Variants in GSE1 observed in about 807,000 individuals in gnomAD.
GSE1 encodes Gse1 coiled-coil protein.
In GSE1, 32 loss-of-function variants were observed where a neutral mutation model predicts 112.6. That is an observed-to-expected ratio of 0.28 (90% CI 0.21 to 0.38). GSE1 has a LOEUF of 0.38. GSE1 is among the 10% of genes least tolerant of loss of function. The pLI, the probability that GSE1 is intolerant of heterozygous loss-of-function variation, is 1.00. For synonymous variants in GSE1, 1,115 were observed against 735.6 expected, an observed-to-expected ratio of 1.52 and a Z score of -8.35; for missense variants, 2,348 against 1,699.2, an observed-to-expected ratio of 1.38 and a Z score of -6.71.
In GSE1 at chr16:85,296,913, T is replaced by A. The variant is rs557794886; in HGVS notation, c.2284-60550T>A. Among the ~76,000 whole-genome samples, 360 of 152,190 alleles carry A rather than the reference T, an allele frequency of 2.4e-3. 1 individual carries two copies. Among genetic ancestry groups the A allele is most frequent in the African/African-American group, 8.4e-3 (349 of 41,534 alleles). On this transcript the variant is annotated intron_variant, in intron 1 of 2. Transcript: ENST00000637419. ...GGGGGTGGGGTCTGAACCCAGGGGGTCTGTCGGCACGCCCAGGCTGCTCCC... is the reference window on the plus strand; with the variant it reads ...GGGGGTGGGGTCTGAACCCAGGGGGACTGTCGGCACGCCCAGGCTGCTCCC...
At chr16:85,569,367 G>C (rs2045888832) in intron 1 of GSE1, among the ~76,000 whole-genome samples, 1 of 152,226 alleles carries the variant, frequency 6.6e-6, no homozygotes, top group Admixed American at 6.5e-5. Flanking sequence ...CTGGGCCTGG[G>C]GGCCAAGTGG....
chr16:85,582,080 C>T (rs2046470554), intron 1 of GSE1: 2 of 152,262 alleles, frequency 1.3e-5, no homozygotes, highest in South Asian at 4.2e-4. Context: ...TCCCTGGGCT[C>T]CTGGGGCGGA....
chr16:85,251,179 C>G (rs1244306955), intron 1 of GSE1, among the ~76,000 whole-genome samples: 1 of 152,204 alleles, frequency 6.6e-6, no homozygotes, highest in Non-Finnish European at 1.5e-5. Context: ...GGGGTTATGG[C>G]TCTTGGGCAC....
intron 2 of GSE1, among the ~76,000 whole-genome samples, chr16:85,464,069 A>C (rs1333761476): frequency 6.6e-6 from 1 of 152,096 alleles, no homozygotes; most frequent in East Asian, 1.9e-4. Flanking sequence ...CCAGGCCAGC[A>C]GCGGGGGGAC....
chr16:85,635,717 C>T (rs1447921610), intron 2 of GSE1, among the ~76,000 whole-genome samples: 1 of 152,222 alleles, frequency 6.6e-6, no homozygotes. Context: ...CGGCACGTGA[C>T]TGGCGCTGGT....
intron 2 of GSE1, among the ~76,000 whole-genome samples, chr16:85,508,379 C>T (rs551663464): frequency 5.1e-4 from 77 of 152,312 alleles, no homozygotes; most frequent in African/African-American, 1.8e-3. Flanking sequence ...GAGTGACATA[C>T]GCAGGTAGCT....
chr16:85,215,856 C>T (rs555032018), intron 1 of GSE1, among the ~76,000 whole-genome samples: 10 of 152,292 alleles, frequency 6.6e-5, no homozygotes, highest in Admixed American at 2.6e-4. Context: ...GTAACCCCAC[C>T]GGTTGCTGCT....
intron 12 of GSE1, 29 bp downstream of exon 12, chr16:85,665,157 C>A: frequency 7.5e-7 from 1 of 1,338,188 alleles, no homozygotes. Flanking sequence ...CACCTGCCAC[C>A]ACCCAGGACC....
chr16:85,290,877 G>A (rs2045189604), intron 1 of GSE1, among the ~76,000 whole-genome samples: 1 of 152,196 alleles, frequency 6.6e-6, no homozygotes, highest in Non-Finnish European at 1.5e-5. Context: ...GCAGGCCAGT[G>A]TGGGAGCCCC....
intron 2 of GSE1, among the ~76,000 whole-genome samples, chr16:85,635,710 C>T (rs1029467899): frequency 1.3e-5 from 2 of 152,182 alleles, no homozygotes; most frequent in Non-Finnish European, 2.9e-5. Context: ...CCACGGGCGG[C>T]ACGTGACTGG....
At chr16:85,650,761 C>G (rs1351213635) in intron 3 of GSE1, among the ~76,000 whole-genome samples, 1 of 152,144 alleles carries the variant, frequency 6.6e-6, no homozygotes, top group East Asian at 1.9e-4. Context: ...GCATTTAATC[C>G]TCTCGGAGTG....
At chr16:85,314,406 A>G (rs1262156819) in intron 1 of GSE1, among the ~76,000 whole-genome samples, 1 of 152,212 alleles carries the variant, frequency 6.6e-6, no homozygotes, top group African/African-American at 2.4e-5. Context: ...GCCATGTCCC[A>G]GCCCAGCATC....
chr16:85,400,545 T>C (rs1261901275), intron 2 of GSE1, among the ~76,000 whole-genome samples: 1 of 151,722 alleles, frequency 6.6e-6, no homozygotes, highest in Non-Finnish European at 1.5e-5. Flanking sequence ...TGTATGTCTG[T>C]GTGTGTGTTG....
intron 1 of GSE1, among the ~76,000 whole-genome samples, chr16:85,568,655 C>G (rs1253407245): frequency 1.3e-5 from 2 of 152,188 alleles, no homozygotes; most frequent in African/African-American, 2.4e-5. Flanking sequence ...GCTTATTACC[C>G]AGGGCGGAGG....
chr16:85,248,429 G>T (rs1004629652), intron 1 of GSE1, among the ~76,000 whole-genome samples: 2 of 149,604 alleles, frequency 1.3e-5, no homozygotes, highest in African/African-American at 4.9e-5. Context: ...TTCTCTTCCC[G>T]CATCTCTCTC....
At chr16:85,643,273 A>G (rs2050592362) in intron 2 of GSE1, among the ~76,000 whole-genome samples, 4 of 152,194 alleles carry the variant, frequency 2.6e-5, no homozygotes, top group Non-Finnish European at 5.9e-5. Context: ...AATTACAGCA[A>G]TCACAGACCT....
At chr16:85,354,594 C>T (rs1552269) in intron 1 of GSE1, among the ~76,000 whole-genome samples, 104,220 of 152,126 alleles carry the variant, frequency 0.69, 35,871 homozygotes, top group Non-Finnish European at 0.72. Flanking sequence ...CCCTGGCCCC[C>T]CAGCTCCAGG....
chr16:85,585,330 C>T (rs1451960803), intron 1 of GSE1, among the ~76,000 whole-genome samples: 5 of 152,218 alleles, frequency 3.3e-5, no homozygotes, highest in African/African-American at 1.2e-4. Context: ...AAGCCCTGCC[C>T]TGGGGCTTTC....
At position 85,282,738 on chromosome 16, in the gene GSE1, C is replaced by T. The variant is rs183534732; in HGVS notation, c.2284-74725C>T. Among the ~76,000 whole-genome samples the T allele has an allele frequency of 5.3e-5, 8 of 152,284 alleles. No individual in the cohort carries two copies. In the East Asian group the frequency reaches 9.6e-4, roughly 18 times the overall value. On this transcript the variant is annotated intron_variant, in intron 1 of 2. Transcript: ENST00000637419. The stretch of plus-strand genomic sequence containing the variant: ...GCTTTTGCTATACCAGGATTTTAGT[C>T]GAGATTCAATGTTATCACCTGCCTT...
Sources: allele counts gnomAD v4.1 joint callset (sites outside exome capture counted in the v4.1 genomes callset), GRCh38; gene constraint gnomAD v4.1.1; transcripts MANE v1.5; gene names NCBI Gene and HGNC (gene_info 2026-07-23, HGNC 2026-07-21).